The following SV2C variants were observed in gnomAD, a reference collection of about 807,000 sequenced individuals.
SV2C encodes solute carrier family 22 member B3.
A neutral mutation model predicts 79.7 loss-of-function variants in SV2C; 49 were observed. That is an observed-to-expected ratio of 0.61 (90% CI 0.49 to 0.78). The LOEUF is 0.78. Among genes scored for constraint, SV2C ranks in the 30% least tolerant of loss-of-function variants. SV2C has a pLI of 0.00. For missense variants in SV2C, 833 were observed against 912.9 expected, an observed-to-expected ratio of 0.91 and a Z score of 1.13; for synonymous variants, 334 against 333.2, an observed-to-expected ratio of 1.00 and a Z score of -0.03.
the SV2C span, among the ~76,000 whole-genome samples, chr5:76,038,090 C>T: frequency 1.3e-5 from 2 of 152,362 alleles, no homozygotes; most frequent in South Asian, 4.1e-4. Context: ...AATGCCTTGC[C>T]GTGCTTCGGC....
intron 12 of SV2C, among the ~76,000 whole-genome samples, chr5:76,318,675 T>G (rs1015400649): frequency 3.9e-5 from 6 of 152,128 alleles, no homozygotes; most frequent in Admixed American, 6.5e-5. Context: ...AGGGTACTTT[T>G]GGGGGAAATA....
the SV2C span, among the ~76,000 whole-genome samples, chr5:76,055,527 C>T: frequency 7.2e-5 from 11 of 152,034 alleles, no homozygotes; most frequent in Non-Finnish European, 1.6e-4. Context: ...TTTTCTAATT[C>T]TTTGAAGATG....
chr5:75,866,354 T>C, the SV2C span, among the ~76,000 whole-genome samples: 1 of 152,210 alleles, frequency 6.6e-6, no homozygotes, highest in Non-Finnish European at 1.5e-5. Context: ...TTCCTATGCA[T>C]TGGGTACTTA....
chr5:76,165,581 A>T (rs527364812), intron 2 of SV2C, among the ~76,000 whole-genome samples: 113 of 152,188 alleles, frequency 7.4e-4, no homozygotes, highest in African/African-American at 2.7e-3. Flanking sequence ...AATGTTATAG[A>T]CATGGAATCA....
chr5:76,284,438 A>C (rs943535822), intron 4 of SV2C, among the ~76,000 whole-genome samples: 1 of 152,168 alleles, frequency 6.6e-6, no homozygotes, highest in African/African-American at 2.4e-5. Flanking sequence ...TGACACCCTC[A>C]AAAGGGGCCG....
chr5:76,105,849 C>A (rs1469921566), intron 1 of SV2C, among the ~76,000 whole-genome samples: 1 of 152,048 alleles, frequency 6.6e-6, no homozygotes, highest in Non-Finnish European at 1.5e-5. Flanking sequence ...CGCTCTTCTC[C>A]CCAATCTCTT....
At chr5:75,859,530 AAG>A in the SV2C span, among the ~76,000 whole-genome samples, 2 of 152,174 alleles carry the variant, frequency 1.3e-5, no homozygotes, top group Non-Finnish European at 2.9e-5. Context: ...TAATGTGGGA[AAG>A]AGAGTTTCTG....
the SV2C span, among the ~76,000 whole-genome samples, chr5:75,851,155 G>A: frequency 6.6e-6 from 1 of 152,122 alleles, no homozygotes; most frequent in Admixed American, 6.5e-5. Context: ...TCAGCTACAC[G>A]GGATGACCCA....
the SV2C span, among the ~76,000 whole-genome samples, chr5:75,926,618 A>T: frequency 1.3e-5 from 2 of 152,192 alleles, no homozygotes; most frequent in Admixed American, 1.3e-4. Flanking sequence ...CACTATAATA[A>T]TGATGGAAAC....
chr5:76,079,081 G>A, upstream of SV2C: 1 of 388,128 alleles, frequency 2.6e-6, no homozygotes, highest in Non-Finnish European at 5.1e-6. Flanking sequence ...TGACATAGAT[G>A]AAGTGGTGTA....
At chr5:76,182,908 TGAGA>T (rs1233316232) in intron 2 of SV2C, among the ~76,000 whole-genome samples, 3 of 144,674 alleles carry the variant, frequency 2.1e-5, no homozygotes, top group African/African-American at 5.2e-5. Context: ...AAACTAGGAT[TGAGA>T]GAGAGAGTGT....
downstream of SV2C, among the ~76,000 whole-genome samples, chr5:76,334,171 G>GT (rs892457850): frequency 1.3e-4 from 20 of 152,204 alleles, no homozygotes; most frequent in African/African-American, 4.8e-4. Context: ...GAATATGTTC[G>GT]TGGGGGAGTT....
chr5:76,318,186 G>A (rs746262107), intron 12 of SV2C, among the ~76,000 whole-genome samples: 1 of 152,180 alleles, frequency 6.6e-6, no homozygotes, highest in Non-Finnish European at 1.5e-5. Flanking sequence ...TTGGGAGGCC[G>A]AGGCGGGCAG....
At chr5:75,950,898 C>T in the SV2C span, among the ~76,000 whole-genome samples, 3 of 152,006 alleles carry the variant, frequency 2.0e-5, no homozygotes, top group Non-Finnish European at 4.4e-5. Context: ...CTGTTATCAT[C>T]TCTTTACATT....
At chr5:75,997,756 G>A in the SV2C span, among the ~76,000 whole-genome samples, 1 of 152,184 alleles carries the variant, frequency 6.6e-6, no homozygotes, top group Non-Finnish European at 1.5e-5. Context: ...CTGTAAACTA[G>A]TTCAACCATT....
intron 4 of SV2C, chr5:76,241,954 A>T: frequency 2.5e-6 from 2 of 815,608 alleles, no homozygotes; most frequent in Non-Finnish European, 4.1e-6. Flanking sequence ...TTTTTATAAA[A>T]CTTGATAAAA....
chr5:75,938,555 T>C, the SV2C span, among the ~76,000 whole-genome samples: 33,779 of 152,062 alleles, frequency 0.22, 4,414 homozygotes, highest in African/African-American at 0.36. Context: ...CAAAGATACA[T>C]ACCATATGAT....
At chr5:75,927,922 T>C in the SV2C span, among the ~76,000 whole-genome samples, 1 of 152,134 alleles carries the variant, frequency 6.6e-6, no homozygotes, top group Admixed American at 6.5e-5. Flanking sequence ...CCAGGAAGTG[T>C]GGTAGCCCTA....
rs770508143 is a variant in SV2C, at chr5:76,209,874, C to T, written c.900C>T (p.Ile300=). Residue 300 remains isoleucine, a synonymous_variant, in exon 4 of 13, where the codon ATC becomes ATT. Coordinates refer to ENST00000502798, the MANE Select transcript of SV2C (RefSeq NM_014979.4). ...GIYASAMAWA[I]IPHYGWSFSM... Reference sequence around the variant, plus strand: ...ACGCCTCTGCCATGGCCTGGGCCATCATCCCGCACTACGGTAAGAGGCTGG... The same window carrying T: ...ACGCCTCTGCCATGGCCTGGGCCATTATCCCGCACTACGGTAAGAGGCTGG... The T allele has an allele frequency of 8.1e-6, 13 of 1,613,236 alleles. No individual in the cohort carries two copies. Among genetic ancestry groups the T allele is most frequent in the Non-Finnish European group, 1.1e-5 (13 of 1,179,550 alleles).
Sources: gnomAD v4.1 joint callset for allele counts (sites outside exome capture counted in the v4.1 genomes callset) on GRCh38, gnomAD v4.1.1 for gene constraint, MANE v1.5 for transcripts, NCBI Gene and HGNC (gene_info 2026-07-23, HGNC 2026-07-21) for gene names.